Variants in TRMT1L observed in about 807,000 individuals in gnomAD.
The protein encoded by TRMT1L is tRNA methyltransferase 1L, also known as tRNA (guanine(27)-N(2))-dimethyltransferase.
In TRMT1L, 28 loss-of-function variants were observed where a neutral mutation model predicts 81.6. The ratio of observed to expected loss-of-function variants is 0.34; its 90% CI spans 0.25 to 0.47. TRMT1L has a LOEUF of 0.47. Ranked by LOEUF, TRMT1L falls within the 20% of genes least tolerant of loss-of-function variation. The pLI, the probability that TRMT1L is intolerant of heterozygous loss-of-function variation, is 1.00. For missense variants in TRMT1L, 739 were observed against 877.1 expected, an observed-to-expected ratio of 0.84 and a Z score of 1.99; for synonymous variants, 301 against 303.2, an observed-to-expected ratio of 0.99 and a Z score of 0.07.
intron 9 of TRMT1L, among the ~76,000 whole-genome samples, chr1:185,138,078 A>C (rs372058861): frequency 3.3e-5 from 5 of 152,220 alleles, no homozygotes; most frequent in African/African-American, 9.6e-5. Flanking sequence ...AGTCATTTTC[A>C]CTTTGTTTCT....
rs1037129515 is a variant in TRMT1L at position 185,118,193 on chromosome 1, C to G, written c.*1826G>C. 6.6e-6 allele frequency: 1 copy of G among 152,138 alleles called. No individual in the cohort carries two copies. The highest frequency in any genetic ancestry group is 1.5e-5 in the Non-Finnish European group (1 of 68,012). 9.4% of individuals were successfully genotyped at this position (152,138 alleles called of 1,614,324 possible). On this transcript the variant is annotated 3_prime_UTR_variant, in exon 15 of 15. Transcript: ENST00000367506. ...ATGTCCCAAATTACTACTATTGTTA[C>G]GAGAATAAGATTGCTCAGGTTGCTA...
rs1652556343 is a variant in TRMT1L at position 185,123,847 on chromosome 1, G to A, written c.1822+10C>T. On this transcript the variant is annotated intron_variant, in intron 13 of 14. Coordinates refer to ENST00000367506, the MANE Select transcript of TRMT1L (RefSeq NM_030934.5). ...TATGTACATATGTACACACATATAT[G>A]CATACATACCTTGTGCAATGTAATT... 1 of 1,480,126 alleles carries A rather than the reference G, an allele frequency of 6.8e-7. No individual in the cohort carries two copies. Among genetic ancestry groups the A allele is most frequent in the Non-Finnish European group, 9.1e-7 (1 of 1,104,606 alleles). 91.7% of individuals were successfully genotyped at this position (1,480,126 alleles called of 1,614,324 possible).
intron 9 of TRMT1L, among the ~76,000 whole-genome samples, chr1:185,138,274 T>G (rs988450524): frequency 1.8e-4 from 27 of 152,222 alleles, no homozygotes; most frequent in African/African-American, 6.3e-4. Flanking sequence ...TGGATTAAGC[T>G]CTACTATATA....
intron 5 of TRMT1L, among the ~76,000 whole-genome samples, chr1:185,144,287 A>G (rs1370322631): frequency 6.6e-6 from 1 of 152,050 alleles, no homozygotes; most frequent in Non-Finnish European, 1.5e-5. Flanking sequence ...TTAATTTACT[A>G]TCTTGACTGT....
intron 1 of TRMT1L, among the ~76,000 whole-genome samples, chr1:185,152,439 G>C (rs1423660159): frequency 6.6e-6 from 1 of 152,214 alleles, no homozygotes; most frequent in East Asian, 1.9e-4. Context: ...GGGGGATGGA[G>C]TCAGTAGAAG....
At chr1:185,150,607 A>G in intron 2 of TRMT1L, 115 bp from the exon 3 acceptor site, 1 of 710,496 alleles carries the variant, frequency 1.4e-6, no homozygotes, top group Non-Finnish European at 2.4e-6. Context: ...GTCTTTCTTA[A>G]CTTTAGGGAG....
At chr1:185,157,519 C>T (rs1653710824), upstream of TRMT1L, 1 of 150,212 alleles carries the variant, frequency 6.7e-6, no homozygotes, top group Non-Finnish European at 1.5e-5. Flanking sequence ...CGGGGCTGCC[C>T]CTTGCCCGGT....
At position 185,145,438 on chromosome 1, in the gene TRMT1L, C is replaced by G; in HGVS notation, c.655+1G>C. On this transcript the variant is annotated splice_donor_variant, in intron 5 of 14. Coordinates refer to ENST00000367506, the MANE Select transcript of TRMT1L (RefSeq NM_030934.5). LOFTEE classifies it high-confidence loss of function. ...TATGTTAATGAGATTGCTCAACTTA[C>G]CTGCAATATAACTAGATTTAGTCTC... 1 of 1,607,796 alleles carries G rather than the reference C, an allele frequency of 6.2e-7. No individual in the cohort carries two copies. Among genetic ancestry groups the G allele is most frequent in the Non-Finnish European group, 8.5e-7 (1 of 1,175,754 alleles).
intron 9 of TRMT1L, among the ~76,000 whole-genome samples, chr1:185,138,765 TAAAAC>T (rs1344340445): frequency 6.6e-6 from 1 of 152,196 alleles, no homozygotes; most frequent in Non-Finnish European, 1.5e-5. Flanking sequence ...ATAAAGAAGA[TAAAAC>T]AGAATGGATA....
At chr1:185,144,827 T>C (rs369884896) in intron 5 of TRMT1L, among the ~76,000 whole-genome samples, 3 of 152,034 alleles carry the variant, frequency 2.0e-5, no homozygotes, top group African/African-American at 2.4e-5. Context: ...AGGAGGCATG[T>C]TGCATATCTC....
chr1:185,149,876 ATTTG>A (rs140798), intron 3 of TRMT1L, among the ~76,000 whole-genome samples: 15,145 of 151,870 alleles, frequency 0.1, 966 homozygotes, highest in East Asian at 0.25. Context: ...TAATTGAAAT[ATTTG>A]TTTGTTTCCA....
intron 10 of TRMT1L, among the ~76,000 whole-genome samples, chr1:185,131,889 C>A (rs933009744): frequency 2.6e-5 from 4 of 152,112 alleles, no homozygotes; most frequent in African/African-American, 9.7e-5. Flanking sequence ...GCCTGTAATC[C>A]CAGCACTTTG....
At chr1:185,128,206 C>T (rs1277588519) in intron 11 of TRMT1L, among the ~76,000 whole-genome samples, 2 of 152,210 alleles carry the variant, frequency 1.3e-5, no homozygotes, top group Non-Finnish European at 2.9e-5. Context: ...TTAAATATTT[C>T]CAATTGTGTA....
intron 10 of TRMT1L, among the ~76,000 whole-genome samples, chr1:185,136,847 C>T (rs1652912014): frequency 6.6e-6 from 1 of 152,128 alleles, no homozygotes; most frequent in South Asian, 2.1e-4. Context: ...AGAAGGTATT[C>T]TCAAATCAGT....
intron 12 of TRMT1L, 75 bp from the exon 13 acceptor site, chr1:185,123,994 G>T: frequency 1.2e-6 from 1 of 849,850 alleles, no homozygotes; most frequent in Non-Finnish European, 1.7e-6. Flanking sequence ...TTAAATAAAA[G>T]TTTATGAAAT....
At position 185,120,405 on chromosome 1, in the gene TRMT1L, T is replaced by C. The variant is rs774615406; in HGVS notation, c.1927A>G (p.Ile643Val). Residue 643 changes from isoleucine to valine, a missense_variant, in exon 14 of 15, where the codon ATT (isoleucine) becomes GTT (valine). Transcript: ENST00000367506. ...TACTTTGGCATATTCATTCCTTTAA[T>C]GCTGTGTCTGTGAATGTTGTAATAA... ...PFYYNIHRHS[I>V]KGMNMPKLKK... 1 of 1,595,858 alleles carries C rather than the reference T, an allele frequency of 6.3e-7. No individual in the cohort carries two copies. The highest frequency in any genetic ancestry group is 1.7e-5 in the Admixed American group (1 of 57,184).
At chr1:185,135,525 A>AG (rs1273539874) in intron 10 of TRMT1L, among the ~76,000 whole-genome samples, 1 of 152,090 alleles carries the variant, frequency 6.6e-6, no homozygotes, top group Non-Finnish European at 1.5e-5. Flanking sequence ...AAAGTATATA[A>AG]GGGGAATATG....
At position 185,150,467 on chromosome 1, in the gene TRMT1L, G is replaced by A. The variant is rs752067642; in HGVS notation, c.372C>T (p.Cys124=). The stretch of plus-strand genomic sequence containing the variant: ...TACAAGCTCTGAATTTTTCCTTAGG[G>A]CACAATGGACAAGCCTGTCTGTTGC... ...DAGNRQACPL[C]PKEKFRACNS... Residue 124 remains cysteine (C), a synonymous_variant, in exon 3 of 15, where the codon TGC becomes TGT. Transcript: ENST00000367506. 1 of 1,612,958 alleles carries A rather than the reference G, an allele frequency of 6.2e-7. No homozygotes were observed. Among genetic ancestry groups the A allele is most frequent in the Non-Finnish European group, 8.5e-7 (1 of 1,179,486 alleles).
intron 9 of TRMT1L, 36 bp downstream of exon 9, chr1:185,139,331 T>C: frequency 1.3e-6 from 2 of 1,547,004 alleles, no homozygotes; most frequent in South Asian, 1.1e-5. Flanking sequence ...TATCAAATAC[T>C]GAAACACACT....
Sources: gnomAD v4.1 joint callset for allele counts (sites outside exome capture counted in the v4.1 genomes callset) on GRCh38, gnomAD v4.1.1 for gene constraint, MANE v1.5 for transcripts, NCBI Gene and HGNC (gene_info 2026-07-23, HGNC 2026-07-21) for gene names.